The following RNF14 variants were observed in gnomAD, a reference collection of about 807,000 sequenced individuals.
The protein encoded by RNF14 is E3 ubiquitin-protein ligase RNF14.
In RNF14, 26 loss-of-function variants were observed where a neutral mutation model predicts 52.6. That is an observed-to-expected ratio of 0.49 (90% CI 0.36 to 0.69). RNF14 has a LOEUF of 0.69. Ranked by LOEUF, RNF14 falls within the 30% of genes least tolerant of loss-of-function variation. The pLI is 0.00. For missense variants in RNF14, 404 were observed against 560.4 expected, an observed-to-expected ratio of 0.72 and a Z score of 2.82; for synonymous variants, 194 against 202.0, an observed-to-expected ratio of 0.96 and a Z score of 0.34.
intron 7 of RNF14, among the ~76,000 whole-genome samples, 172 bp from the exon 8 acceptor site, chr5:141,984,631 C>G (rs1439999666): frequency 6.6e-6 from 1 of 152,152 alleles, no homozygotes; most frequent in African/African-American, 2.4e-5. Flanking sequence ...TATTTTACTT[C>G]TAATGCAAAA....
chr5:141,981,481 T>C (rs1754769625), intron 6 of RNF14: 1 of 152,150 alleles, frequency 6.6e-6, no homozygotes, highest in Admixed American at 6.5e-5. Flanking sequence ...TTATATCTTA[T>C]AAAAGTGTTG....
At chr5:141,968,340 C>T (rs540248504), upstream of RNF14, among the ~76,000 whole-genome samples, 1 of 152,182 alleles carries the variant, frequency 6.6e-6, no homozygotes, top group East Asian at 1.9e-4. Context: ...CTCCTGACCT[C>T]GTGATCCACC....
chr5:141,983,615 G>A, intron 7 of RNF14, 63 bp downstream of exon 7: 1 of 1,411,886 alleles, frequency 7.1e-7, no homozygotes, highest in Non-Finnish European at 9.6e-7. Context: ...ATTACCTTAA[G>A]AAGCCTTACT....
chr5:141,988,064 T>C lies in RNF14; in HGVS notation c.*274T>C. 2.8e-6 allele frequency: 1 copy of C among 355,894 alleles called. No homozygotes were observed. The highest frequency in any genetic ancestry group is 5.1e-6 in the Non-Finnish European group (1 of 195,116). The allele number at this position is 355,894 out of a possible 1,614,324, so 22.0% of individuals were successfully genotyped here. ...ATAATGTGCCCAAAGCTCTGAATAG[T>C]TAAAAATTAAATATTTATTTTCTTC... On this transcript the variant is annotated 3_prime_UTR_variant, in exon 9 of 9. Coordinates refer to ENST00000394520, the MANE Select transcript of RNF14 (RefSeq NM_004290.5).
At chr5:141,969,999 A>G (rs1753600164) in intron 1 of RNF14, among the ~76,000 whole-genome samples, 1 of 152,248 alleles carries the variant, frequency 6.6e-6, no homozygotes, top group African/African-American at 2.4e-5. Flanking sequence ...TACAGTACAT[A>G]GTAGGTGCTC....
chr5:141,954,489 A>T (rs164086), upstream of RNF14, among the ~76,000 whole-genome samples: 18 of 152,106 alleles, frequency 1.2e-4, no homozygotes, highest in African/African-American at 4.3e-4. Context: ...TTTATTTTCA[A>T]GCAAACTTAG....
chr5:141,982,147 T>C (rs924303318), intron 6 of RNF14, among the ~76,000 whole-genome samples: 3 of 152,190 alleles, frequency 2.0e-5, no homozygotes, highest in Non-Finnish European at 4.4e-5. Flanking sequence ...AAATTGAAGA[T>C]AGATTCAGGG....
At chr5:141,986,605 A>C (rs959903722) in intron 8 of RNF14, among the ~76,000 whole-genome samples, 10 of 152,126 alleles carry the variant, frequency 6.6e-5, no homozygotes, top group Admixed American at 1.3e-4. Flanking sequence ...ATTTGTCTGG[A>C]TTCTAAAAGG....
At chr5:141,957,086 C>T, upstream of RNF14, 2 of 1,614,174 alleles carry the variant, frequency 1.2e-6, no homozygotes, top group South Asian at 1.1e-5. The surrounding 1 kb of genome is among the most constrained non-coding windows in gnomAD (Gnocchi z 4.3). Flanking sequence ...GGTGCAGCAT[C>T]TTCTTGGATT....
At chr5:141,968,096 A>G (rs1423645739), upstream of RNF14, among the ~76,000 whole-genome samples, 1 of 150,418 alleles carries the variant, frequency 6.6e-6, no homozygotes, top group African/African-American at 2.5e-5. Context: ...ATTAAAAACA[A>G]TATATGGCTT....
chr5:141,962,125 G>A (rs1024022465), upstream of RNF14, among the ~76,000 whole-genome samples: 1 of 152,220 alleles, frequency 6.6e-6, no homozygotes, highest in African/African-American at 2.4e-5. Context: ...TTGACTGGGA[G>A]ACTCAGGTAG....
At chr5:141,963,884 G>A (rs1330585825), upstream of RNF14, among the ~76,000 whole-genome samples, 1 of 152,190 alleles carries the variant, frequency 6.6e-6, no homozygotes. Flanking sequence ...ATGACAGCCA[G>A]GAGTTGAGCC....
At chr5:141,963,055 T>G (rs1025917364), upstream of RNF14, 1 of 152,294 alleles carries the variant, frequency 6.6e-6, no homozygotes, top group Non-Finnish European at 1.5e-5. Context: ...CTCCCTGACA[T>G]GTGTGTCACT....
intron 5 of RNF14, among the ~76,000 whole-genome samples, chr5:141,979,810 A>C (rs1754604699): frequency 6.6e-6 from 1 of 152,164 alleles, no homozygotes; most frequent in Non-Finnish European, 1.5e-5. Flanking sequence ...GAATCATTTG[A>C]GCCCAGGAGT....
chr5:141,957,853 C>T (rs369769409), upstream of RNF14: 14 of 1,595,420 alleles, frequency 8.8e-6, no homozygotes, highest in African/African-American at 1.3e-5. The surrounding 1 kb of genome is among the most constrained non-coding windows in gnomAD (Gnocchi z 4.3). Flanking sequence ...TTGCATCATG[C>T]TTACCGCCAA....
chr5:141,985,083 C>A (rs1755117623), intron 8 of RNF14, 150 bp downstream of exon 8: 2 of 739,104 alleles, frequency 2.7e-6, no homozygotes, highest in Non-Finnish European at 4.4e-6. Context: ...ATATTATTTT[C>A]TCAAAAATGA....
chr5:141,972,179 G>A (rs1199995421), intron 2 of RNF14, among the ~76,000 whole-genome samples: 1 of 151,790 alleles, frequency 6.6e-6, no homozygotes, highest in Non-Finnish European at 1.5e-5. Context: ...TTCTCACCTG[G>A]GAGCAATTTT....
upstream of RNF14, among the ~76,000 whole-genome samples, chr5:141,965,896 C>T (rs535829254): frequency 2.7e-5 from 4 of 150,058 alleles, no homozygotes; most frequent in South Asian, 2.1e-4. Context: ...CACTGGGTGA[C>T]GAAATAATCT....
At chr5:141,960,205 C>CCGCAAT (rs1035382301) in intron 1 of RNF14, among the ~76,000 whole-genome samples, 1 of 152,276 alleles carries the variant, frequency 6.6e-6, no homozygotes, top group Non-Finnish European at 1.5e-5. Flanking sequence ...ACTATCCGCC[C>CCGCAAT]CGCAATCGTC....
Sources: allele counts gnomAD v4.1 joint callset (sites outside exome capture counted in the v4.1 genomes callset), GRCh38; gene constraint gnomAD v4.1.1; non-coding constraint Gnocchi (gnomAD v3.1); transcripts MANE v1.5; gene names NCBI Gene and HGNC (gene_info 2026-07-23, HGNC 2026-07-21).